Variants in INPP4B observed in about 807,000 individuals in gnomAD.
INPP4B encodes inositol polyphosphate-4-phosphatase type II B.
In INPP4B, 55 loss-of-function variants were observed where a neutral mutation model predicts 122.5. The ratio of observed to expected loss-of-function variants is 0.45; its 90% confidence interval spans 0.36 to 0.56. INPP4B has a LOEUF of 0.56. INPP4B is among the 20% of genes least tolerant of loss of function. The pLI, the probability that INPP4B is intolerant of heterozygous loss-of-function variation, is 0.00. For missense variants in INPP4B, 1,000 were observed against 1,097.7 expected (o/e 0.91, Z 1.26); for synonymous variants, 403 against 388.7 (o/e 1.04, Z -0.43).
At chr4:142,045,864 G>A (rs1355938231) in intron 25 of INPP4B, among the ~76,000 whole-genome samples, 2 of 152,034 alleles carry the variant, frequency 1.3e-5, no homozygotes, top group Non-Finnish European at 2.9e-5. Context: ...TTATATTCTA[G>A]TCAAAAAGGC....
chr4:142,454,497 T>C (rs1028154901), intron 3 of INPP4B, among the ~76,000 whole-genome samples: 1 of 152,134 alleles, frequency 6.6e-6, no homozygotes, highest in African/African-American at 2.4e-5. Context: ...AGTTAATATG[T>C]TTGTTTTTGA....
chr4:142,182,472 C>T (rs1458660681), intron 15 of INPP4B, among the ~76,000 whole-genome samples: 1 of 136,548 alleles, frequency 7.3e-6, no homozygotes, highest in East Asian at 2.3e-4. Context: ...TGCTTGAACC[C>T]GGGAGGCGGA....
At chr4:142,582,533 G>A (rs1253923548) in intron 2 of INPP4B, among the ~76,000 whole-genome samples, 2 of 152,132 alleles carry the variant, frequency 1.3e-5, no homozygotes, top group Non-Finnish European at 2.9e-5. Context: ...TGGAACTCAA[G>A]ATGTTCCAGA....
At position 142,842,800 on chromosome 4, in the gene INPP4B, A is replaced by T. The variant is rs1783697752; in HGVS notation, c.-254+3409T>A. ...TATACTGATATATAAATATATAATT[A>T]TATATAAATATGTATGATATATATA... is the stretch of plus-strand genomic sequence containing the variant. On this transcript the variant is annotated intron_variant, in intron 1 of 25. Transcript: ENST00000262992. Among the ~76,000 whole-genome samples, 5 of 133,424 alleles carry T rather than the reference A, an allele frequency of 3.7e-5. No individual in the cohort carries two copies. The South Asian group carries it at 1.1e-3, about 29-fold the overall frequency. 87.5% of individuals were successfully genotyped at this position (133,424 alleles called of 152,430 possible).
At chr4:142,835,916 G>A (rs1010420609) in intron 1 of INPP4B, among the ~76,000 whole-genome samples, 1 of 152,120 alleles carries the variant, frequency 6.6e-6, no homozygotes, top group African/African-American at 2.4e-5. Context: ...TAGGCCAAAC[G>A]TGAACATGAA....
intron 23 of INPP4B, among the ~76,000 whole-genome samples, chr4:142,100,890 G>A (rs1018548231): frequency 6.6e-6 from 1 of 152,092 alleles, no homozygotes; most frequent in African/African-American, 2.4e-5. Flanking sequence ...ATTCAGAAAG[G>A]ATCTCTTTAT....
chr4:142,246,233 C>A (rs1309135632), intron 11 of INPP4B, among the ~76,000 whole-genome samples: 1 of 151,846 alleles, frequency 6.6e-6, no homozygotes, highest in African/African-American at 2.4e-5. Context: ...ATGATGCCTC[C>A]AGCTTTGTTC....
intron 2 of INPP4B, among the ~76,000 whole-genome samples, chr4:142,554,099 G>A (rs1013496560): frequency 6.7e-6 from 1 of 149,112 alleles, no homozygotes; most frequent in Non-Finnish European, 1.5e-5. Flanking sequence ...TGAGGCAGGA[G>A]AATTGTTTGA....
intron 7 of INPP4B, among the ~76,000 whole-genome samples, chr4:142,335,959 C>G (rs1489356716): frequency 6.6e-6 from 1 of 152,170 alleles, no homozygotes; most frequent in Non-Finnish European, 1.5e-5. Context: ...CTAGTGAGAA[C>G]TTCCGTGGTG....
intron 2 of INPP4B, among the ~76,000 whole-genome samples, chr4:142,495,011 A>G (rs918214033): frequency 6.6e-6 from 1 of 152,162 alleles, no homozygotes; most frequent in Non-Finnish European, 1.5e-5. Context: ...AGTTTTGTAC[A>G]GTGGAAGGAT....
chr4:142,691,459 C>A (rs1382917561), intron 2 of INPP4B, among the ~76,000 whole-genome samples: 1 of 151,656 alleles, frequency 6.6e-6, no homozygotes, highest in African/African-American at 2.4e-5. Flanking sequence ...TTTAGAAGGT[C>A]AAACTATGAT....
At chr4:142,804,762 G>A (rs1474767478) in intron 1 of INPP4B, among the ~76,000 whole-genome samples, 1 of 152,132 alleles carries the variant, frequency 6.6e-6, no homozygotes, top group Non-Finnish European at 1.5e-5. Flanking sequence ...GACCTCCCTG[G>A]CTCAGGTGAT....
At position 142,239,313 on chromosome 4, in the gene INPP4B, C is replaced by A. The variant is rs187676580; in HGVS notation, c.689-1302G>T. Reference sequence around the variant, plus strand: ...TTCTAGTACATGTACATGCGTCCTGCCAAGAATTAGAGTGCTTACTTTTCA... The same window carrying A: ...TTCTAGTACATGTACATGCGTCCTGACAAGAATTAGAGTGCTTACTTTTCA... On this transcript the variant is annotated intron_variant, in intron 11 of 25. Transcript: ENST00000262992. 9.2e-5 allele frequency among the ~76,000 whole-genome samples: 14 copies of A among 152,176 alleles called. No individual in the cohort carries two copies. In the South Asian group the frequency reaches 1.5e-3, roughly 16 times the overall value.
At chr4:142,240,754 C>T (rs1858952698) in intron 11 of INPP4B, among the ~76,000 whole-genome samples, 2 of 152,050 alleles carry the variant, frequency 1.3e-5, no homozygotes, top group Admixed American at 1.3e-4. Context: ...AGAATACCTC[C>T]TATGTATCAT....
chr4:142,462,483 G>A (rs763843546), intron 3 of INPP4B, among the ~76,000 whole-genome samples, 180 bp downstream of exon 3: 2 of 152,142 alleles, frequency 1.3e-5, no homozygotes, highest in Admixed American at 6.5e-5. Flanking sequence ...TTGGTTTAAT[G>A]TAGTTATAGA....
At chr4:142,170,997 T>A (rs1033114634) in intron 16 of INPP4B, among the ~76,000 whole-genome samples, 1 of 151,786 alleles carries the variant, frequency 6.6e-6, no homozygotes, top group African/African-American at 2.4e-5. Flanking sequence ...AAATATTGCC[T>A]ACTCAAAGAC....
intron 4 of INPP4B, among the ~76,000 whole-genome samples, chr4:142,430,409 C>T (rs1809050230): frequency 6.6e-6 from 1 of 151,802 alleles, no homozygotes; most frequent in Non-Finnish European, 1.5e-5. Context: ...CCAACCAATA[C>T]AATTTTCTAA....
At chr4:142,064,312 C>T (rs1762429882) in intron 25 of INPP4B, among the ~76,000 whole-genome samples, 4 of 152,060 alleles carry the variant, frequency 2.6e-5, no homozygotes, top group Admixed American at 2.6e-4. Flanking sequence ...TGTAGTCAAA[C>T]CACAGAGGAA....
chr4:142,177,367 C>T (rs2152963305), intron 15 of INPP4B, among the ~76,000 whole-genome samples: 1 of 152,220 alleles, frequency 6.6e-6, no homozygotes, highest in South Asian at 2.1e-4. Flanking sequence ...ACAGTTATAG[C>T]TTCTTAAATG....
Sources: gnomAD v4.1 joint callset for allele counts (sites outside exome capture counted in the v4.1 genomes callset) on GRCh38, gnomAD v4.1.1 for gene constraint, MANE v1.5 for transcripts, NCBI Gene and HGNC (gene_info 2026-07-23, HGNC 2026-07-21) for gene names.